ATP8B3: variants seen among roughly 807,000 people sequenced by gnomAD.
ATP8B3 encodes phospholipid-transporting ATPase IK.
Under a neutral mutation model 140.9 loss-of-function variants are expected in ATP8B3, and 141 were observed. That is an observed-to-expected ratio of 1.00 (90% CI 0.87 to 1.15). The LOEUF is 1.15. Among genes scored for constraint, ATP8B3 ranks in the 50% most tolerant of loss-of-function variants. The pLI is 0.00. For synonymous variants in ATP8B3, 765 were observed against 714.6 expected (o/e 1.07, Z -1.13); for missense variants, 1,874 against 1,740.6 (o/e 1.08, Z -1.36).
chr19:1,806,309 C>T lies in ATP8B3; in HGVS notation c.678-140G>A. ...CCTTTGCCCCCTCAGGAAGCCTTCC[C>T]CGGGCTCCCACCCCACTCCCCGCGG... is the stretch of plus-strand genomic sequence containing the variant. On this transcript the variant is annotated intron_variant, in intron 7 of 28. Coordinates refer to ENST00000310127, the MANE Select transcript of ATP8B3 (RefSeq NM_138813.4). This position sits in a 1 kb window ranked among gnomAD's most constrained non-coding sequence, Gnocchi z 5.6. 1 of 1,482,570 alleles carries T rather than the reference C, an allele frequency of 6.7e-7. No individual in the cohort carries two copies. Among genetic ancestry groups the T allele is most frequent in the Non-Finnish European group, 8.9e-7 (1 of 1,120,600 alleles). 91.8% of individuals were successfully genotyped at this position (1,482,570 alleles called of 1,614,324 possible).
chr19:1,805,757 C>A lies in ATP8B3; in HGVS notation c.821+131G>T. ...TGCCTGGCAGCACCCACGCCCCAGA[C>A]ACTCATGGGGTGAGTGACCAAAGTC... On this transcript the variant is annotated intron_variant, in intron 9 of 28. Coordinates refer to ENST00000310127, the MANE Select transcript of ATP8B3 (RefSeq NM_138813.4). This position sits in a 1 kb window ranked among gnomAD's most constrained non-coding sequence, Gnocchi z 5.2. 9.1e-7 allele frequency: 1 copy of A among 1,092,982 alleles called. No individual in the cohort carries two copies. The highest frequency in any genetic ancestry group is 1.3e-6 in the Non-Finnish European group (1 of 747,684). The allele number at this position is 1,092,982 out of a possible 1,614,324, so 67.7% of individuals were successfully genotyped here.
At position 1,807,223 on chromosome 19, in the gene ATP8B3, G is replaced by A. The variant is rs750675136; in HGVS notation, c.560C>T (p.Thr187Ile). The A allele has an allele frequency of 1.2e-6, 2 of 1,612,976 alleles. No individual in the cohort carries two copies. The highest frequency in any genetic ancestry group is 3.3e-5 in the Admixed American group (2 of 59,974). ...ISTLPWFSLS[T>I]PMVCLLFIRA... ...GATGAAGAGGAGGCAGACCATAGGG[G>A]TACTGAGCGAGAACCAGGGCAGCGT... is the stretch of plus-strand genomic sequence containing the variant. The change falls in exon 6 of 29, where the codon ACC becomes ATC. Residue 187 changes from threonine to isoleucine, a missense_variant. This residue lies in a region of ATP8B3 where 1,032 missense variants were observed against 963.6 expected (regional missense o/e 1.07). Transcript: ENST00000310127. This position sits in a 1 kb window ranked among gnomAD's most constrained non-coding sequence, Gnocchi z 5.9.
At chr19:1,809,480 C>CAA (rs1282262807) in intron 4 of ATP8B3, among the ~76,000 whole-genome samples, 163 bp downstream of exon 4, 1 of 119,172 alleles carries the variant, frequency 8.4e-6, no homozygotes, top group Admixed American at 8.6e-5. Flanking sequence ...GACTCTGTCT[C>CAA]AAAAAAAAAA....
rs190829110 is a variant in ATP8B3 at position 1,800,739 on chromosome 19, G to A, written c.1153-290C>T. ...GCTCAGAAGGCTGAGGCCGAGGATC[G>A]CTTGAGCCCAGGAGGCTGCAGTGAG... On this transcript the variant is annotated intron_variant, in intron 12 of 28. Transcript: ENST00000310127. The surrounding 1 kb of genome is among the most constrained non-coding windows in gnomAD (Gnocchi z 4.4). Among the ~76,000 whole-genome samples the A allele has an allele frequency of 1.0e-3, 153 of 152,224 alleles. 1 individual carries two copies. Among genetic ancestry groups the A allele is most frequent in the African/African-American group, 3.4e-3 (143 of 41,542 alleles).
At chr19:1,793,181 C>G (rs904241046) in intron 18 of ATP8B3, among the ~76,000 whole-genome samples, 1 of 151,722 alleles carries the variant, frequency 6.6e-6, no homozygotes, top group Non-Finnish European at 1.5e-5. Context: ...GCCTCGAACT[C>G]CTGGGCTCAA....
rs775536881 is a variant in ATP8B3, at chr19:1,796,248, C to T, written c.1771G>A (p.Ala591Thr). ...AGCGCCCCCTCGTCGGGGGAGGCCG[C>T]CTGGTACAACAGCTGGTCTGGTAGG... ...RERPDQLLYQAASPDEGALVT... is the reference protein window; with the variant it reads ...RERPDQLLYQTASPDEGALVT... The change falls in exon 17 of 29, where the codon GCG (alanine) becomes ACG (threonine). Residue 591 changes from alanine to threonine, a missense_variant. Coordinates refer to ENST00000310127, the MANE Select transcript of ATP8B3 (RefSeq NM_138813.4). 3.8e-5 allele frequency: 61 copies of T among 1,611,042 alleles called. No individual in the cohort carries two copies. The highest frequency in any genetic ancestry group is 5.2e-5 in the Non-Finnish European group (61 of 1,179,400).
At position 1,807,087 on chromosome 19, in the gene ATP8B3, C is replaced by G; in HGVS notation, c.615+81G>C. The G allele has an allele frequency of 7.7e-7, 1 of 1,296,226 alleles. No individual in the cohort carries two copies. The highest frequency in any genetic ancestry group is 1.2e-5 in the South Asian group (1 of 83,090). The allele number at this position is 1,296,226 out of a possible 1,614,324, so 80.3% of individuals were successfully genotyped here. A position where few individuals can be genotyped will look rare whatever the true frequency, so the allele number is the denominator to read the frequency against. ...ATGCTCCAGGAAGCCCAGCCCTCCT[C>G]CCACTCTCGCCCAGGGATCAAGAGA... On this transcript the variant is annotated intron_variant, in intron 6 of 28. Coordinates refer to ENST00000310127, the MANE Select transcript of ATP8B3 (RefSeq NM_138813.4). This position sits in a 1 kb window ranked among gnomAD's most constrained non-coding sequence, Gnocchi z 5.9.
chr19:1,792,554 T>C (rs2068545665), intron 18 of ATP8B3, among the ~76,000 whole-genome samples: 1 of 131,302 alleles, frequency 7.6e-6, no homozygotes, highest in Non-Finnish European at 1.6e-5. Context: ...CACTCCAGCC[T>C]GGGCGACAAA....
chr19:1,796,082 ACCGACATC>A lies in ATP8B3; in HGVS notation c.1929_1936del (p.Met644AlafsTer58). ...GCTTGGGTGGCGGGGCTCACCCAGC[ACCGACATC>A]CGTTTGCGCGTGCTGTTGAAGTCCA... is the stretch of plus-strand genomic sequence containing the variant. On this transcript the variant is annotated frameshift_variant, in exon 17 of 29. Transcript: ENST00000310127. LOFTEE classifies it high-confidence loss of function. 1 of 1,612,744 alleles carries A rather than the reference ACCGACATC, an allele frequency of 6.2e-7. No individual in the cohort carries two copies.
In ATP8B3 at chr19:1,782,292, G is replaced by A. The variant is rs983794123; in HGVS notation, c.*736C>T. On this transcript the variant is annotated 3_prime_UTR_variant, in exon 29 of 29. Transcript: ENST00000310127. ...ATGGGTCTAGGGATTCAGATGCTACGTCACTGCTGAACCCTGGTCCCCTCC... is the reference window on the plus strand; with the variant it reads ...ATGGGTCTAGGGATTCAGATGCTACATCACTGCTGAACCCTGGTCCCCTCC... The A allele has an allele frequency of 8.6e-6, 3 of 349,770 alleles. No individual in the cohort carries two copies. The highest frequency in any genetic ancestry group is 1.0e-5 in the Non-Finnish European group (2 of 190,838). 21.7% of individuals were successfully genotyped at this position (349,770 alleles called of 1,614,324 possible).
At chr19:1,797,163 C>T (rs1374104475) in intron 14 of ATP8B3, among the ~76,000 whole-genome samples, 158 bp from the exon 15 acceptor site, 4 of 152,220 alleles carry the variant, frequency 2.6e-5, no homozygotes, top group African/African-American at 9.6e-5. Flanking sequence ...AATCTTGGGG[C>T]GAAAGCTGAC....
In ATP8B3 at chr19:1,789,890, C is replaced by A; in HGVS notation, c.2478G>T (p.Leu826=). 2 of 1,611,412 alleles carry A rather than the reference C, an allele frequency of 1.2e-6. No homozygotes were observed. The highest frequency in any genetic ancestry group is 1.7e-6 in the Non-Finnish European group (2 of 1,179,014). ...KLALVINGDF[L]DKLLVSLRKE... is the part of the protein sequence containing the mutation. ...GCCGTCCACCCTGAGCGACACTGAC[C>A]AGGAAGTCTCCGTTAATGACCAAGG... is the stretch of plus-strand genomic sequence containing the variant. The change falls in exon 22 of 29, where the codon CTG becomes CTT. Residue 826 remains leucine, a splice_region_variant and synonymous_variant. Coordinates refer to ENST00000310127, the MANE Select transcript of ATP8B3 (RefSeq NM_138813.4).
rs903699034 is a variant in ATP8B3, at chr19:1,806,996, G to A, written c.615+172C>T. Among the ~76,000 whole-genome samples, 1 of 152,122 alleles carries A rather than the reference G, an allele frequency of 6.6e-6. No homozygotes were observed. Among genetic ancestry groups the A allele is most frequent in the Admixed American group, 6.5e-5 (1 of 15,282 alleles). On this transcript the variant is annotated intron_variant, in intron 6 of 28. Coordinates refer to ENST00000310127, the MANE Select transcript of ATP8B3 (RefSeq NM_138813.4). The surrounding 1 kb of genome is among the most constrained non-coding windows in gnomAD (Gnocchi z 5.6). ...ACGCCACCTGCGGCACCTGCCCAAT[G>A]TGGGTGCTAGCAGATAAGGACAATG...
chr19:1,796,587 G>T, intron 16 of ATP8B3, 124 bp downstream of exon 16: 1 of 1,275,914 alleles, frequency 7.8e-7, no homozygotes, highest in Non-Finnish European at 1.1e-6. Context: ...TGTCACACCG[G>T]CCTCAGCGCC....
chr19:1,793,504 CCCT>C (rs1213048297), intron 18 of ATP8B3, among the ~76,000 whole-genome samples: 1 of 152,212 alleles, frequency 6.6e-6, no homozygotes, highest in African/African-American at 2.4e-5. Flanking sequence ...TCCCTCTGAC[CCCT>C]CAACTTTGGC....
intron 24 of ATP8B3, among the ~76,000 whole-genome samples, chr19:1,787,565 C>G (rs992333986): frequency 1.8e-4 from 27 of 151,826 alleles, no homozygotes; most frequent in Admixed American, 1.6e-3. Context: ...CCCGTCTCTA[C>G]TAAAAATATA....
Position 1,787,159 on chromosome 19 carries a change from G to T in ATP8B3, c.3097C>A (p.Leu1033Ile). The change falls in exon 25 of 29, where the codon CTT becomes ATT. Residue 1033 changes from leucine (L) to isoleucine (I), a missense_variant. Leu to Ile is a conservative substitution (Grantham distance 5). Around this residue, in one of 3 missense-constraint regions of ATP8B3, gnomAD observed 840 missense variants for 760.9 expected, o/e 1.10. Coordinates refer to ENST00000310127, the MANE Select transcript of ATP8B3 (RefSeq NM_138813.4). ...QPLYEGWFLA[L>I]FNLLYSTLPV... ...AGGGTGCTGTACAGGAGGTTGAAAAGAGCCAGGAACCATCCTTCATACAGG... is the reference window on the plus strand; with the variant it reads ...AGGGTGCTGTACAGGAGGTTGAAAATAGCCAGGAACCATCCTTCATACAGG... 1.2e-6 allele frequency: 2 copies of T among 1,611,260 alleles called. No individual in the cohort carries two copies. Among genetic ancestry groups the T allele is most frequent in the Non-Finnish European group, 1.7e-6 (2 of 1,178,698 alleles).
chr19:1,790,615 T>C, intron 21 of ATP8B3, 142 bp downstream of exon 21: 1 of 328,662 alleles, frequency 3.0e-6, no homozygotes, highest in Non-Finnish European at 4.9e-6. Flanking sequence ...ACCACACTCC[T>C]TCCTCCTACC....
chr19:1,807,825 A>G lies in ATP8B3; in HGVS notation c.516+397T>C, dbSNP rs2069073061. On this transcript the variant is annotated intron_variant, in intron 5 of 28. Transcript: ENST00000310127. This position sits in a 1 kb window ranked among gnomAD's most constrained non-coding sequence, Gnocchi z 5.9. ...GGCCTGGACCACCCAGGTACCGGGA[A>G]GTGGCTCCACAGGTCCTGAGAACAT... Among the ~76,000 whole-genome samples, 1 of 152,272 alleles carries G rather than the reference A, an allele frequency of 6.6e-6. No homozygotes were observed. The highest frequency in any genetic ancestry group is 1.5e-5 in the Non-Finnish European group (1 of 68,038).
Sources: allele counts gnomAD v4.1 joint callset (sites outside exome capture counted in the v4.1 genomes callset), GRCh38; gene constraint gnomAD v4.1.1; regional missense constraint gnomAD v4.1.1; non-coding constraint Gnocchi (gnomAD v3.1); transcripts MANE v1.5; gene names NCBI Gene and HGNC (gene_info 2026-07-23, HGNC 2026-07-21).